FOCAD: variants seen among roughly 807,000 people sequenced by gnomAD.
FOCAD encodes focadhesin.
In FOCAD, 198 loss-of-function variants were observed where a neutral mutation model predicts 225.6. The observed-to-expected ratio is 0.88, with a 90% CI of 0.78 to 0.99. The LOEUF (loss-of-function observed/expected upper bound fraction) is 0.99. FOCAD is among the 50% of genes least tolerant of loss of function. FOCAD has a pLI of 0.00. For synonymous variants in FOCAD, 897 were observed against 755.0 expected (o/e 1.19, Z -3.08); for missense variants, 2,713 against 2,123.6 (o/e 1.28, Z -5.46).
At chr9:20,839,359 A>T (rs1293908373) in intron 15 of FOCAD, among the ~76,000 whole-genome samples, 3 of 151,406 alleles carry the variant, frequency 2.0e-5, no homozygotes, top group Non-Finnish European at 4.4e-5. Flanking sequence ...CCCAGGCTCA[A>T]GCTATCCTTC....
rs769045777 is a variant in FOCAD, at chr9:20,916,889, G to A, written c.2808-4G>A. On this transcript the variant is annotated splice_polypyrimidine_tract_variant and splice_region_variant and intron_variant, in intron 23 of 43. Coordinates refer to ENST00000338382, the MANE Select transcript of FOCAD (RefSeq NM_001375567.1). The stretch of plus-strand genomic sequence containing the variant: ...CTCTCGTCTATTTTCCATCTTTATT[G>A]CAGGGTTAGAGACATGCTGACTGAT... 5 of 1,600,790 alleles carry A rather than the reference G, an allele frequency of 3.1e-6. No homozygotes were observed. Among genetic ancestry groups the A allele is most frequent in the African/African-American group, 2.7e-5 (2 of 74,050 alleles).
At chr9:20,981,742 G>A (rs764549496) in intron 38 of FOCAD, 56 bp downstream of exon 38, 10 of 1,551,684 alleles carry the variant, frequency 6.4e-6, no homozygotes, top group Non-Finnish European at 8.7e-6. Context: ...TATTTTAAAG[G>A]CTTCTTGGCA....
chr9:20,796,317 C>T (rs201045787), intron 11 of FOCAD, among the ~76,000 whole-genome samples: 132 of 152,182 alleles, frequency 8.7e-4, no homozygotes, highest in Non-Finnish European at 1.6e-3. Flanking sequence ...TATAAACCTT[C>T]GGGTATATAC....
At chr9:20,896,396 C>T (rs1238588833) in intron 21 of FOCAD, among the ~76,000 whole-genome samples, 1 of 151,806 alleles carries the variant, frequency 6.6e-6, no homozygotes, top group East Asian at 1.9e-4. Flanking sequence ...GAAGTATTCT[C>T]TCTGCTTCTG....
At chr9:20,940,830 T>A (rs576268067) in intron 28 of FOCAD, among the ~76,000 whole-genome samples, 4 of 152,206 alleles carry the variant, frequency 2.6e-5, no homozygotes, top group African/African-American at 9.6e-5. Context: ...ACATCTGACT[T>A]CAAAGCCATT....
chr9:20,788,575 G>C (rs975822450), intron 10 of FOCAD, among the ~76,000 whole-genome samples: 25 of 152,118 alleles, frequency 1.6e-4, no homozygotes, highest in Admixed American at 3.3e-4. Context: ...TAACCAGACA[G>C]TTATAATCCA....
At chr9:20,777,150 A>G (rs1265244975) in intron 8 of FOCAD, among the ~76,000 whole-genome samples, 1 of 152,102 alleles carries the variant, frequency 6.6e-6, no homozygotes, top group African/African-American at 2.4e-5. Context: ...TTCACTCTTC[A>G]AATGGTAAAA....
intron 21 of FOCAD, among the ~76,000 whole-genome samples, chr9:20,906,550 T>G (rs1832995087): frequency 1.3e-5 from 2 of 152,070 alleles, no homozygotes; most frequent in South Asian, 4.1e-4. Flanking sequence ...GGGCCTCTGT[T>G]GAGAAACAGG....
chr9:20,825,758 G>T (rs574445942), intron 15 of FOCAD, among the ~76,000 whole-genome samples: 3 of 152,096 alleles, frequency 2.0e-5, no homozygotes, highest in Admixed American at 1.3e-4. Flanking sequence ...GCTTGCATCA[G>T]ATTAAGTTTA....
At chr9:20,820,446 G>T (rs763645551) in intron 13 of FOCAD, 21 bp downstream of exon 13, 2 of 1,577,750 alleles carry the variant, frequency 1.3e-6, no homozygotes, top group East Asian at 4.5e-5. Flanking sequence ...ATATACACTT[G>T]CATGAGTATT....
intron 8 of FOCAD, among the ~76,000 whole-genome samples, chr9:20,775,792 T>A (rs991886102): frequency 2.6e-5 from 4 of 152,250 alleles, no homozygotes; most frequent in African/African-American, 9.6e-5. Context: ...GGTTGTTTTC[T>A]GTTACTGGGA....
chr9:20,995,704 T>C lies in FOCAD; in HGVS notation c.*75T>C, dbSNP rs1048587004. Reference sequence around the variant, plus strand: ...ATAAGTGGAAGAAGTTTTTCAGAATTCATGCCTGGTATTGCTGAGACATGA... The same window carrying C: ...ATAAGTGGAAGAAGTTTTTCAGAATCCATGCCTGGTATTGCTGAGACATGA... On this transcript the variant is annotated 3_prime_UTR_variant, in exon 44 of 44. Transcript: ENST00000338382. 1 of 1,326,126 alleles carries C rather than the reference T, an allele frequency of 7.5e-7. No homozygotes were observed. The highest frequency in any genetic ancestry group is 1.1e-6 in the Non-Finnish European group (1 of 925,130). 82.1% of individuals were successfully genotyped at this position (1,326,126 alleles called of 1,614,324 possible). A position where few individuals can be genotyped will look rare whatever the true frequency, so the allele number is the denominator to read the frequency against.
chr9:20,701,335 A>G (rs566952014), intron 1 of FOCAD, among the ~76,000 whole-genome samples: 5 of 152,270 alleles, frequency 3.3e-5, no homozygotes, highest in South Asian at 2.1e-4. Flanking sequence ...TGCACACACA[A>G]ATTTCCCTGT....
At chr9:20,864,858 C>T (rs1413894805) in intron 16 of FOCAD, among the ~76,000 whole-genome samples, 1 of 152,024 alleles carries the variant, frequency 6.6e-6, no homozygotes, top group Non-Finnish European at 1.5e-5. Flanking sequence ...CTAGTTTATA[C>T]CAATTAGTTC....
chr9:20,698,393 T>C (rs945180614), intron 1 of FOCAD, among the ~76,000 whole-genome samples: 34 of 151,954 alleles, frequency 2.2e-4, no homozygotes, highest in African/African-American at 7.7e-4. Flanking sequence ...CACACACACA[T>C]ATATGTGTAT....
chr9:20,762,563 C>G (rs978621103), intron 6 of FOCAD, among the ~76,000 whole-genome samples: 9 of 152,098 alleles, frequency 5.9e-5, no homozygotes, highest in African/African-American at 2.2e-4. Context: ...GGCTTGGTAA[C>G]TTTTACATTT....
intron 15 of FOCAD, among the ~76,000 whole-genome samples, chr9:20,856,855 C>T (rs1828234932): frequency 6.6e-6 from 1 of 152,034 alleles, no homozygotes; most frequent in Admixed American, 6.6e-5. Context: ...TGTCCTTTCC[C>T]AGTGTATGTT....
rs1284513697 is a variant in FOCAD at position 20,819,799 on chromosome 9, C to G, written c.1459C>G (p.Pro487Ala). The change falls in exon 12 of 44, where the codon CCA (proline) becomes GCA (alanine). Residue 487 changes from proline to alanine, a missense_variant. Physicochemically the swap from Pro to Ala is conservative, Grantham distance 27. Transcript: ENST00000338382. ...ATATTTTAAAAATTCATTTTAGGTGCCAAATCTGATTCCAGTTTTGATGTT... is the reference window on the plus strand; with the variant it reads ...ATATTTTAAAAATTCATTTTAGGTGGCAAATCTGATTCCAGTTTTGATGTT... The part of the protein sequence containing the change: ...ELAQADSSQV[P>A]NLIPVLMFKL... 2 of 1,514,348 alleles carry G rather than the reference C, an allele frequency of 1.3e-6. No individual in the cohort carries two copies. Among genetic ancestry groups the G allele is most frequent in the East Asian group, 2.4e-5 (1 of 41,546 alleles). 93.8% of individuals were successfully genotyped at this position (1,514,348 alleles called of 1,614,324 possible).
chr9:20,972,521 C>CT, intron 35 of FOCAD, among the ~76,000 whole-genome samples: 1 of 151,718 alleles, frequency 6.6e-6, no homozygotes, highest in Non-Finnish European at 1.5e-5. Flanking sequence ...TTTAGCTGCT[C>CT]TTTTTTCCTT....
Sources: gnomAD v4.1 joint callset for allele counts (sites outside exome capture counted in the v4.1 genomes callset) on GRCh38, gnomAD v4.1.1 for gene constraint, MANE v1.5 for transcripts, NCBI Gene and HGNC (gene_info 2026-07-23, HGNC 2026-07-21) for gene names.